Variants in CLVS1 observed in about 807,000 individuals in gnomAD.
CLVS1 encodes clavesin-1.
Under a neutral mutation model 33.1 loss-of-function variants are expected in CLVS1, and 10 were observed. The ratio of observed to expected loss-of-function variants is 0.30; its 90% CI spans 0.19 to 0.51. The LOEUF (loss-of-function observed/expected upper bound fraction) is 0.51, where lower values mean the gene tolerates loss of function less well. Ranked by LOEUF, CLVS1 falls within the 20% of genes least tolerant of loss-of-function variation. The pLI is 0.97. For synonymous variants in CLVS1, 163 were observed against 166.1 expected, an observed-to-expected ratio of 0.98 and a Z score of 0.14; for missense variants, 343 against 433.4, an observed-to-expected ratio of 0.79 and a Z score of 1.85.
At chr8:60,988,910 G>C in the CLVS1 span, among the ~76,000 whole-genome samples, 1 of 152,204 alleles carries the variant, frequency 6.6e-6, no homozygotes, top group Non-Finnish European at 1.5e-5. Context: ...TGTCATCCAG[G>C]CTGGAGTGCA....
chr8:61,477,239 G>A (rs1221104909), intron 5 of CLVS1, among the ~76,000 whole-genome samples: 1 of 152,158 alleles, frequency 6.6e-6, no homozygotes, highest in Non-Finnish European at 1.5e-5. Context: ...GTTCATCAAG[G>A]ATATTGGTCT....
At position 61,245,846 on chromosome 8, in the gene CLVS1, G is replaced by A. The variant is rs577882814; in HGVS notation, c.-151-53831G>A. Among the ~76,000 whole-genome samples the A allele has an allele frequency of 4.6e-5, 7 of 151,940 alleles. No individual in the cohort carries two copies. The South Asian group carries it at 1.5e-3, about 32-fold the overall frequency. ...GGCAGTGTTGTGATCATCGGTCATT[G>A]ACACCTTGACCTGCTGGGCTCAAGG... On this transcript the variant is annotated intron_variant, in intron 2 of 2. Transcript: ENST00000522621.
chr8:60,982,249 C>A, the CLVS1 span, among the ~76,000 whole-genome samples: 13 of 152,016 alleles, frequency 8.6e-5, no homozygotes, highest in Non-Finnish European at 1.8e-4. Flanking sequence ...ATGTTGAAAC[C>A]AAGAGGCTTT....
At chr8:61,269,811 C>G (rs1268381230) in intron 2 of CLVS1, among the ~76,000 whole-genome samples, 2 of 150,420 alleles carry the variant, frequency 1.3e-5, no homozygotes, top group African/African-American at 2.5e-5. Flanking sequence ...TGATTTGGCT[C>G]TCTGTCTGTT....
intron 2 of CLVS1, among the ~76,000 whole-genome samples, chr8:61,161,858 T>A (rs1486482467): frequency 1.3e-5 from 2 of 152,354 alleles, no homozygotes; most frequent in African/African-American, 4.8e-5. Context: ...TAAGCATTTT[T>A]AAACTGTCTA....
chr8:61,196,601 C>T (rs1391034208), intron 2 of CLVS1, among the ~76,000 whole-genome samples: 4 of 152,136 alleles, frequency 2.6e-5, no homozygotes. Context: ...ACCTGTTTCC[C>T]CTACCCTACT....
chr8:60,980,190 A>G, the CLVS1 span, among the ~76,000 whole-genome samples: 1 of 152,232 alleles, frequency 6.6e-6, no homozygotes, highest in East Asian at 1.9e-4. Flanking sequence ...ATCTAGAGGC[A>G]AACAAACAGT....
chr8:61,309,903 T>C (rs1229114001), intron 2 of CLVS1, among the ~76,000 whole-genome samples: 8 of 152,240 alleles, frequency 5.3e-5, no homozygotes, highest in Admixed American at 5.2e-4. Context: ...CCTTTGGCTT[T>C]TGCAAGAGTG....
intron 5 of CLVS1, among the ~76,000 whole-genome samples, chr8:61,459,495 GC>G (rs1563562754): frequency 7.5e-6 from 1 of 132,908 alleles, no homozygotes; most frequent in African/African-American, 2.9e-5. Flanking sequence ...TTTATCCCTC[GC>G]CCCCCTCCTA....
chr8:61,094,037 G>A (rs570398699), intron 1 of CLVS1, among the ~76,000 whole-genome samples: 21 of 152,290 alleles, frequency 1.4e-4, no homozygotes, highest in South Asian at 4.1e-4. Context: ...CGTGAGCCTC[G>A]GGCTCACTGT....
intron 1 of CLVS1, among the ~76,000 whole-genome samples, chr8:61,068,888 T>C (rs985192358): frequency 6.6e-6 from 1 of 152,154 alleles, no homozygotes; most frequent in Non-Finnish European, 1.5e-5. Flanking sequence ...CTCCCACTAA[T>C]GTTCCTTTTC....
chr8:61,254,419 C>T (rs1809026688), intron 2 of CLVS1, among the ~76,000 whole-genome samples: 1 of 152,188 alleles, frequency 6.6e-6, no homozygotes, highest in Non-Finnish European at 1.5e-5. Context: ...AAGCTGCGTG[C>T]TGGGAGATCC....
chr8:61,476,035 A>G (rs1246739914), intron 5 of CLVS1, among the ~76,000 whole-genome samples: 2 of 152,142 alleles, frequency 1.3e-5, no homozygotes, highest in Admixed American at 6.5e-5. Flanking sequence ...TTTTCCCAGC[A>G]CCATTTATTA....
At chr8:61,360,375 C>T (rs1812925201) in intron 2 of CLVS1, among the ~76,000 whole-genome samples, 1 of 152,126 alleles carries the variant, frequency 6.6e-6, no homozygotes, top group African/African-American at 2.4e-5. Flanking sequence ...GGAAAGCATC[C>T]CATAGTCAGT....
chr8:61,396,796 G>A (rs1187360115), intron 3 of CLVS1, among the ~76,000 whole-genome samples: 2 of 152,106 alleles, frequency 1.3e-5, no homozygotes, highest in East Asian at 1.9e-4. Context: ...TACAATATGC[G>A]GTCCTTTGTA....
the CLVS1 span, chr8:60,967,646 C>T: frequency 2.2e-6 from 1 of 455,840 alleles, no homozygotes; most frequent in Non-Finnish European, 4.4e-6. Flanking sequence ...TCCAGGGCTT[C>T]TCGGAAGCCA....
chr8:61,118,677 C>T (rs1285181503), intron 1 of CLVS1, among the ~76,000 whole-genome samples: 6 of 151,618 alleles, frequency 4.0e-5, no homozygotes, highest in Middle Eastern at 3.2e-3. Context: ...TGGAGTTGAG[C>T]GGTTTTGAGT....
chr8:61,015,931 A>G, the CLVS1 span, among the ~76,000 whole-genome samples: 6 of 152,360 alleles, frequency 3.9e-5, no homozygotes, highest in Admixed American at 6.5e-5. Flanking sequence ...ACCAGAATCA[A>G]TAAAATATGG....
chr8:61,177,563 A>C (rs1041833992), intron 2 of CLVS1, among the ~76,000 whole-genome samples: 1 of 152,116 alleles, frequency 6.6e-6, no homozygotes. Flanking sequence ...CAGACACCCT[A>C]TACAGGAGCT....
Sources: allele counts gnomAD v4.1 joint callset (sites outside exome capture counted in the v4.1 genomes callset), GRCh38; gene constraint gnomAD v4.1.1; transcripts MANE v1.5; gene names NCBI Gene and HGNC (gene_info 2026-07-23, HGNC 2026-07-21).